Variants in MCF2L2 observed in about 807,000 individuals in gnomAD.
MCF2L2 encodes the protein MCF.2 cell line derived transforming sequence-like 2, also known as probable guanine nucleotide exchange factor MCF2L2.
MCF2L2 carries 102 observed loss-of-function variants against 150.2 expected under a neutral mutation model. That is an observed-to-expected ratio of 0.68 (90% confidence interval 0.58 to 0.80). MCF2L2 has a LOEUF of 0.80. Among genes scored for constraint, MCF2L2 ranks in the 30% least tolerant of loss-of-function variants. MCF2L2 has a pLI of 0.00. For synonymous variants in MCF2L2, 465 were observed against 491.3 expected, an observed-to-expected ratio of 0.95 and a Z score of 0.71; for missense variants, 1,256 against 1,372.8, an observed-to-expected ratio of 0.91 and a Z score of 1.34.
rs561184623 is a variant in MCF2L2 at position 183,232,195 on chromosome 3, C to A, written c.1863-1178G>T. 2.2e-3 allele frequency among the ~76,000 whole-genome samples: 329 copies of A among 152,280 alleles called. 13 individuals are homozygous for A. The South Asian group carries it at 0.044, about 20-fold the overall frequency. Reference sequence around the variant, plus strand: ...AATGGAATGTGGGCAGCCGTAGGAACTGAGAGTGGCTCCCAGCTGACAGGC... The same window carrying A: ...AATGGAATGTGGGCAGCCGTAGGAAATGAGAGTGGCTCCCAGCTGACAGGC... On this transcript the variant is annotated intron_variant, in intron 15 of 29. Coordinates refer to ENST00000328913, the MANE Select transcript of MCF2L2 (RefSeq NM_015078.4).
rs193122077 is a variant in MCF2L2 at position 183,320,384 on chromosome 3, C to T, written c.604-2167G>A. Among the ~76,000 whole-genome samples, 8 of 152,260 alleles carry T rather than the reference C, an allele frequency of 5.3e-5. No homozygotes were observed. The East Asian group carries it at 9.7e-4, about 18-fold the overall frequency. On this transcript the variant is annotated intron_variant, in intron 6 of 29. Coordinates refer to ENST00000328913, the MANE Select transcript of MCF2L2 (RefSeq NM_015078.4). ...CTGGGATTACAGGCATGAGCCACTG[C>T]GCCGAGCCGAGTATAGCCACTTTCA...
intron 9 of MCF2L2, 129 bp from the exon 10 acceptor site, chr3:183,309,964 TA>T: frequency 5.6e-6 from 6 of 1,079,396 alleles, no homozygotes; most frequent in Non-Finnish European, 7.6e-6. Context: ...CTATATATGT[TA>T]AAAATTTTTT....
intron 14 of MCF2L2, among the ~76,000 whole-genome samples, chr3:183,281,034 G>A (rs75080155): frequency 0.026 from 3,911 of 152,052 alleles, 174 homozygotes; most frequent in African/African-American, 0.087. Flanking sequence ...TTAAAGCATA[G>A]AGAATGATAA....
intron 25 of MCF2L2, among the ~76,000 whole-genome samples, chr3:183,195,790 T>C (rs533627751): frequency 1.6e-4 from 24 of 152,270 alleles, no homozygotes; most frequent in African/African-American, 5.8e-4. Flanking sequence ...TCTTTTTCCT[T>C]TCACCCTATA....
Position 183,400,999 on chromosome 3 carries a change from G to T in MCF2L2, c.77-11220C>A, listed in dbSNP as rs530707863. 6.0e-4 allele frequency among the ~76,000 whole-genome samples: 92 copies of T among 152,194 alleles called. 1 individual carries two copies. The highest frequency in any genetic ancestry group is 2.2e-3 in the African/African-American group (91 of 41,508). ...TGAGCAGGCACCTTAAATTGACACG[G>T]CAAACGGTAAAGGTTCAGATCCTGA... On this transcript the variant is annotated intron_variant, in intron 1 of 29. Transcript: ENST00000328913.
At chr3:183,418,759 G>A (rs1254512084) in intron 1 of MCF2L2, among the ~76,000 whole-genome samples, 1 of 152,250 alleles carries the variant, frequency 6.6e-6, no homozygotes, top group Non-Finnish European at 1.5e-5. Context: ...GGGCTCCCAA[G>A]GCCTTGGGCA....
chr3:183,262,014 G>A (rs1309206023), intron 15 of MCF2L2, among the ~76,000 whole-genome samples: 3 of 129,326 alleles, frequency 2.3e-5, no homozygotes, highest in Admixed American at 8.1e-5. Context: ...ATATATATAT[G>A]AATATTTATT....
intron 27 of MCF2L2, among the ~76,000 whole-genome samples, chr3:183,190,343 C>A (rs1004313352): frequency 3.3e-5 from 5 of 152,194 alleles, no homozygotes; most frequent in African/African-American, 1.2e-4. Flanking sequence ...GGCCATTTGG[C>A]CTGCAGTGAG....
chr3:183,208,228 T>C (rs1722567869), intron 22 of MCF2L2, among the ~76,000 whole-genome samples: 1 of 152,214 alleles, frequency 6.6e-6, no homozygotes, highest in South Asian at 2.1e-4. Flanking sequence ...AGATAGAATT[T>C]TGGCTGCATT....
chr3:183,362,961 A>G (rs1380612449), intron 3 of MCF2L2, among the ~76,000 whole-genome samples: 2 of 152,220 alleles, frequency 1.3e-5, no homozygotes, highest in African/African-American at 4.8e-5. Context: ...AAGAAAATGA[A>G]CAACCCAATT....
chr3:183,211,535 GCA>G (rs570518894), intron 22 of MCF2L2, among the ~76,000 whole-genome samples: 2 of 152,198 alleles, frequency 1.3e-5, no homozygotes, highest in Non-Finnish European at 2.9e-5. Flanking sequence ...CCAAGGGCAG[GCA>G]CACACACTGT....
intron 1 of MCF2L2, among the ~76,000 whole-genome samples, chr3:183,419,193 C>G (rs1342211331): frequency 1.3e-5 from 2 of 152,252 alleles, no homozygotes; most frequent in Non-Finnish European, 2.9e-5. Flanking sequence ...GCCACAGCTA[C>G]AGCTGGAGTG....
rs1022914521 is a variant in MCF2L2 at position 183,428,255 on chromosome 3, T to G, written c.-278A>C. The G allele has an allele frequency of 7.3e-6, 3 of 408,814 alleles. No individual in the cohort carries two copies. Among genetic ancestry groups the G allele is most frequent in the African/African-American group, 2.1e-5 (1 of 47,058 alleles). 25.3% of individuals were successfully genotyped at this position (408,814 alleles called of 1,614,324 possible). On this transcript the variant is annotated 5_prime_UTR_variant, in exon 1 of 30. Coordinates refer to ENST00000328913, the MANE Select transcript of MCF2L2 (RefSeq NM_015078.4). The surrounding 1 kb of genome is among the most constrained non-coding windows in gnomAD (Gnocchi z 5.1). Reference sequence around the variant, plus strand: ...TCTGCAAAAGGAAGCAAGTCGCCAATCTCGCCGGAACCGCGCCCCGGCTCC... The same window carrying G: ...TCTGCAAAAGGAAGCAAGTCGCCAAGCTCGCCGGAACCGCGCCCCGGCTCC...
chr3:183,272,496 G>A (rs1726862949), intron 15 of MCF2L2: 2 of 996,366 alleles, frequency 2.0e-6, no homozygotes, highest in Non-Finnish European at 2.4e-6. Flanking sequence ...TTAGCAGGTA[G>A]CTTTTTAATG....
chr3:183,371,346 C>T (rs1712862296), intron 3 of MCF2L2, among the ~76,000 whole-genome samples: 1 of 152,080 alleles, frequency 6.6e-6, no homozygotes, highest in South Asian at 2.1e-4. Flanking sequence ...TCAATCTATA[C>T]ACGTAAGATG....
At chr3:183,298,765 G>GCGCGCGCGCGCGCGCACACACA in intron 11 of MCF2L2, 6 of 138,582 alleles carry the variant, frequency 4.3e-5, no homozygotes, top group East Asian at 2.3e-4. Flanking sequence ...AAACACACAT[G>GCGCGCGCGCGCGCGCACACACA]CACACACACA....
chr3:183,223,281 C>G (rs1402320744), intron 20 of MCF2L2, 65 bp downstream of exon 20: 1 of 1,210,486 alleles, frequency 8.3e-7, no homozygotes, highest in African/African-American at 1.5e-5. Context: ...TGTGTAACGA[C>G]ATGGGCACCA....
At chr3:183,404,353 C>T (rs190917062) in intron 1 of MCF2L2, among the ~76,000 whole-genome samples, 1 of 152,316 alleles carries the variant, frequency 6.6e-6, no homozygotes, top group Admixed American at 6.5e-5. Flanking sequence ...GCATCATTCC[C>T]TTAACATGCA....
intron 13 of MCF2L2, among the ~76,000 whole-genome samples, chr3:183,295,064 T>C (rs1016133310): frequency 1.3e-5 from 2 of 152,320 alleles, no homozygotes; most frequent in Non-Finnish European, 2.9e-5. Flanking sequence ...CACCCGGCCT[T>C]TATGATGCAT....
Sources: gnomAD v4.1 joint callset for allele counts (sites outside exome capture counted in the v4.1 genomes callset) on GRCh38, gnomAD v4.1.1 for gene constraint, Gnocchi (gnomAD v3.1) non-coding constraint, MANE v1.5 for transcripts, NCBI Gene and HGNC (gene_info 2026-07-23, HGNC 2026-07-21) for gene names.